HHAT: variants seen among roughly 807,000 people sequenced by gnomAD.
HHAT encodes the protein protein-cysteine N-palmitoyltransferase HHAT.
Under a neutral mutation model 70.8 loss-of-function variants are expected in HHAT, and 47 were observed. The ratio of observed to expected loss-of-function variants is 0.66; its 90% CI spans 0.53 to 0.85. HHAT has a LOEUF of 0.85. HHAT is among the 40% of genes least tolerant of loss of function. The pLI, the probability that HHAT is intolerant of heterozygous loss-of-function variation, is 0.00. For missense variants in HHAT, 609 were observed against 604.8 expected, an observed-to-expected ratio of 1.01 and a Z score of -0.07; for synonymous variants, 228 against 247.6, an observed-to-expected ratio of 0.92 and a Z score of 0.74.
In HHAT at chr1:210,455,003, C is replaced by T. The variant is rs2093833301; in HGVS notation, c.857-9502C>T. Among the ~76,000 whole-genome samples, 3 of 151,610 alleles carry T rather than the reference C, an allele frequency of 2.0e-5. No individual in the cohort carries two copies. The South Asian group carries it at 6.3e-4, about 32-fold the overall frequency. ...AGTTCATGGTTGCCCAGTGTAGAGC[C>T]CTTTCTACAGATCACTGGCTCCTCT... On this transcript the variant is annotated intron_variant, in intron 7 of 11. Coordinates refer to ENST00000261458, the MANE Select transcript of HHAT (RefSeq NM_018194.6).
intron 9 of HHAT, among the ~76,000 whole-genome samples, chr1:210,585,074 T>A (rs1400666751): frequency 6.6e-6 from 1 of 152,226 alleles, no homozygotes; most frequent in African/African-American, 2.4e-5. Context: ...GCCTTCAAGT[T>A]TAATTGTTCC....
intron 1 of HHAT, among the ~76,000 whole-genome samples, chr1:210,331,926 A>G (rs990278075): frequency 3.9e-5 from 6 of 152,214 alleles, no homozygotes; most frequent in Admixed American, 3.9e-4. Flanking sequence ...TGGCCCTCAT[A>G]ACTCAAACTC....
Position 210,562,462 on chromosome 1 carries a change from G to T in HHAT, c.1044-25436G>T, listed in dbSNP as rs2095632143. ...GTCCTGAGGCCATTCATGATTTGGA[G>T]AGAGGAGCGGGGCTCCTTGCTTGCT... On this transcript the variant is annotated intron_variant, in intron 9 of 11. Transcript: ENST00000261458. Among the ~76,000 whole-genome samples the T allele has an allele frequency of 2.0e-5, 3 of 151,860 alleles. No homozygotes were observed. The South Asian group carries it at 6.3e-4, about 32-fold the overall frequency.
chr1:210,528,158 C>T (rs999423958), intron 9 of HHAT, among the ~76,000 whole-genome samples: 3 of 152,008 alleles, frequency 2.0e-5, no homozygotes, highest in South Asian at 2.1e-4. Flanking sequence ...CCAGTAATGC[C>T]GAGAGAGAGA....
intron 3 of HHAT, 56 bp downstream of exon 3, chr1:210,362,975 C>A: frequency 1.5e-6 from 2 of 1,344,072 alleles, no homozygotes; most frequent in Non-Finnish European, 2.1e-6. Flanking sequence ...CAATATTTCA[C>A]ATCACATTTG....
intron 11 of HHAT, among the ~76,000 whole-genome samples, chr1:210,624,035 C>A (rs77842972): frequency 6.6e-6 from 1 of 152,270 alleles, no homozygotes; most frequent in East Asian, 1.9e-4. Context: ...GAAACTTAAT[C>A]CCCAATTGGC....
intron 7 of HHAT, among the ~76,000 whole-genome samples, chr1:210,439,947 T>C (rs1342280818): frequency 6.6e-6 from 1 of 151,918 alleles, no homozygotes; most frequent in African/African-American, 2.4e-5. Context: ...GGGTGAGAAT[T>C]CAGCTGACAT....
At chr1:210,592,545 ATT>A (rs111899012) in intron 10 of HHAT, among the ~76,000 whole-genome samples, 1 of 150,924 alleles carries the variant, frequency 6.6e-6, no homozygotes, top group Admixed American at 6.6e-5. Flanking sequence ...AAGTTTTAGG[ATT>A]TTTTTTTTAA....
intron 3 of HHAT, among the ~76,000 whole-genome samples, chr1:210,379,741 T>A (rs1024577075): frequency 1.3e-5 from 2 of 152,354 alleles, no homozygotes; most frequent in African/African-American, 4.8e-5. Flanking sequence ...TTTACATATT[T>A]ACTGAACAAA....
chr1:210,612,766 A>G (rs80298362), intron 10 of HHAT, among the ~76,000 whole-genome samples: 3,789 of 152,278 alleles, frequency 0.025, 170 homozygotes, highest in African/African-American at 0.084. Flanking sequence ...CTCACCAGCA[A>G]TACGTAGGGC....
At chr1:210,434,405 A>T (rs1420133282) in intron 7 of HHAT, among the ~76,000 whole-genome samples, 3 of 151,878 alleles carry the variant, frequency 2.0e-5, no homozygotes, top group Non-Finnish European at 4.4e-5. Flanking sequence ...TTCTCTTAAT[A>T]TGCAGGAATG....
chr1:210,673,009 A>G (rs1225025983), intron 11 of HHAT, among the ~76,000 whole-genome samples: 1 of 152,204 alleles, frequency 6.6e-6, no homozygotes, highest in Non-Finnish European at 1.5e-5. Flanking sequence ...AACACACACA[A>G]TTGGATTGAC....
At chr1:210,565,671 T>C (rs1654556064) in intron 9 of HHAT, among the ~76,000 whole-genome samples, 1 of 152,086 alleles carries the variant, frequency 6.6e-6, no homozygotes, top group Non-Finnish European at 1.5e-5. Context: ...AAGCAAGCTT[T>C]TGGAGAGACC....
chr1:210,358,753 G>T (rs201245134), intron 2 of HHAT, among the ~76,000 whole-genome samples: 6 of 152,174 alleles, frequency 3.9e-5, no homozygotes, highest in African/African-American at 9.7e-5. Flanking sequence ...GCAGTGGCTT[G>T]TGTCAGACTA....
intron 9 of HHAT, among the ~76,000 whole-genome samples, chr1:210,523,464 C>CT (rs1166754756): frequency 6.6e-6 from 1 of 152,156 alleles, no homozygotes; most frequent in African/African-American, 2.4e-5. Flanking sequence ...TTCCTGGATG[C>CT]TTTAGATCCC....
intron 11 of HHAT, among the ~76,000 whole-genome samples, chr1:210,653,233 C>A (rs1675563247): frequency 1.3e-5 from 2 of 152,088 alleles, no homozygotes; most frequent in Non-Finnish European, 2.9e-5. Context: ...AAAAACAATA[C>A]ATATTTTAGA....
intron 2 of HHAT, among the ~76,000 whole-genome samples, chr1:210,350,581 T>A (rs1417097269): frequency 6.6e-6 from 1 of 152,250 alleles, no homozygotes; most frequent in Non-Finnish European, 1.5e-5. Flanking sequence ...ATTTCATTGC[T>A]GATATATAGG....
chr1:210,343,864 C>T (rs2086257129), intron 1 of HHAT, among the ~76,000 whole-genome samples: 1 of 152,192 alleles, frequency 6.6e-6, no homozygotes. Flanking sequence ...AGGGTCAGGG[C>T]TTAGGTAGGC....
chr1:210,529,121 A>G lies in HHAT; in HGVS notation c.1043+15933A>G, dbSNP rs1310068672. On this transcript the variant is annotated intron_variant, in intron 9 of 11. Coordinates refer to ENST00000261458, the MANE Select transcript of HHAT (RefSeq NM_018194.6). ...GGAGTTCGAGACCAGCCTAGCCAAG[A>G]TAGTGAAACCCCATTTCTACTGAAA... 2.0e-5 allele frequency among the ~76,000 whole-genome samples: 3 copies of G among 152,270 alleles called. No homozygotes were observed. In the East Asian group the frequency reaches 5.8e-4, roughly 29 times the overall value.
Sources: gnomAD v4.1 joint callset for allele counts (sites outside exome capture counted in the v4.1 genomes callset) on GRCh38, gnomAD v4.1.1 for gene constraint, MANE v1.5 for transcripts, NCBI Gene and HGNC (gene_info 2026-07-23, HGNC 2026-07-21) for gene names.